The following AUTS2 variants were observed in gnomAD, a reference collection of about 807,000 sequenced individuals.
AUTS2 encodes autism susceptibility gene 2 protein.
A neutral mutation model predicts 112.4 loss-of-function variants in AUTS2; 17 were observed. That is an observed-to-expected ratio of 0.15 (90% CI 0.10 to 0.23). The LOEUF (loss-of-function observed/expected upper bound fraction) is 0.23. Ranked by LOEUF, AUTS2 falls within the 10% of genes least tolerant of loss-of-function variation. The pLI is 1.00. For missense variants in AUTS2, 1,510 were observed against 1,701.6 expected (o/e 0.89, Z 1.98); for synonymous variants, 751 against 702.7 (o/e 1.07, Z -1.09).
At chr7:69,834,285 C>T (rs1791626671) in intron 1 of AUTS2, among the ~76,000 whole-genome samples, 1 of 152,140 alleles carries the variant, frequency 6.6e-6, no homozygotes, top group African/African-American at 2.4e-5. Context: ...AATTATTTTA[C>T]AACGAAATTG....
At chr7:69,879,006 A>T (rs2129537223) in intron 1 of AUTS2, among the ~76,000 whole-genome samples, 1 of 152,246 alleles carries the variant, frequency 6.6e-6, no homozygotes, top group East Asian at 1.9e-4. Flanking sequence ...GTGCTTTGAG[A>T]TGCAGACTGG....
chr7:70,480,905 G>A, intron 5 of AUTS2, among the ~76,000 whole-genome samples: 1 of 152,184 alleles, frequency 6.6e-6, no homozygotes, highest in East Asian at 1.9e-4. Flanking sequence ...ACTCAGCTGG[G>A]GCAGGGAGTA....
At chr7:70,070,813 G>A (rs765205708) in intron 2 of AUTS2, among the ~76,000 whole-genome samples, 4 of 151,688 alleles carry the variant, frequency 2.6e-5, no homozygotes, top group African/African-American at 4.8e-5. Flanking sequence ...TGGAGGTTGC[G>A]GTGAGCCGCG....
intron 1 of AUTS2, among the ~76,000 whole-genome samples, chr7:69,885,077 G>A (rs1322506033): frequency 6.6e-6 from 1 of 152,212 alleles, no homozygotes; most frequent in Non-Finnish European, 1.5e-5. Flanking sequence ...AGTCATAGCT[G>A]TGTGAACAAG....
intron 5 of AUTS2, among the ~76,000 whole-genome samples, chr7:70,481,803 T>C (rs1165392264): frequency 1.3e-5 from 2 of 152,230 alleles, no homozygotes; most frequent in Non-Finnish European, 2.9e-5. Context: ...CTTGCCATTG[T>C]GGAGGCACGA....
chr7:69,631,978 CAA>C (rs1794265605), intron 1 of AUTS2, among the ~76,000 whole-genome samples: 1 of 152,080 alleles, frequency 6.6e-6, no homozygotes. Context: ...CAATGGGGAA[CAA>C]AAATTTTTCA....
chr7:70,073,097 C>CT (rs546032568), intron 2 of AUTS2, among the ~76,000 whole-genome samples: 1,761 of 135,450 alleles, frequency 0.013, 14 homozygotes, highest in Middle Eastern at 0.027. Context: ...TTCTCCTCTC[C>CT]TTTTTTTTTT....
At chr7:69,892,857 C>G (rs1794586884) in intron 1 of AUTS2, among the ~76,000 whole-genome samples, 1 of 152,194 alleles carries the variant, frequency 6.6e-6, no homozygotes, top group Admixed American at 6.5e-5. Flanking sequence ...ACTTATTTCT[C>G]TGTAGAATAG....
rs1036591912 is a variant in AUTS2 at position 70,621,687 on chromosome 7, G to A, written c.691-76882G>A. Among the ~76,000 whole-genome samples the A allele has an allele frequency of 2.6e-5, 4 of 152,196 alleles. No individual in the cohort carries two copies. The South Asian group carries it at 6.2e-4, about 24-fold the overall frequency. ...CAGCTCCACTTATTTTTAAACTGAT[G>A]ATCATGTCTGAATTAGATCAGAGCA... On this transcript the variant is annotated intron_variant, in intron 5 of 18. Coordinates refer to ENST00000342771, the MANE Select transcript of AUTS2 (RefSeq NM_015570.4).
chr7:70,144,502 C>T (rs1807022837), intron 4 of AUTS2, among the ~76,000 whole-genome samples: 1 of 152,016 alleles, frequency 6.6e-6, no homozygotes, highest in Non-Finnish European at 1.5e-5. Context: ...AAATGGAAGC[C>T]TTAAACTGCA....
At position 70,602,960 on chromosome 7, in the gene AUTS2, C is replaced by A. The variant is rs73706119; in HGVS notation, c.691-95609C>A. On this transcript the variant is annotated intron_variant, in intron 5 of 18. Coordinates refer to ENST00000342771, the MANE Select transcript of AUTS2 (RefSeq NM_015570.4). The stretch of plus-strand genomic sequence containing the variant: ...TGGTATGTGCTGAGAAAAAGCAGAT[C>A]CTCTGATAAAGCAAAGAACTGTGTT... Among the ~76,000 whole-genome samples the A allele has an allele frequency of 8.1e-3, 1,232 of 152,268 alleles. 17 individuals are homozygous for A. Among genetic ancestry groups the A allele is most frequent in the African/African-American group, 0.028 (1,161 of 41,546 alleles).
chr7:70,364,495 G>T (rs1470002417), intron 4 of AUTS2, among the ~76,000 whole-genome samples: 1 of 151,798 alleles, frequency 6.6e-6, no homozygotes, highest in Admixed American at 6.6e-5. Context: ...GAACCTGGGA[G>T]GCAGAGGTTG....
chr7:70,247,637 C>G (rs186991036), intron 4 of AUTS2, among the ~76,000 whole-genome samples: 4 of 152,186 alleles, frequency 2.6e-5, no homozygotes, highest in Admixed American at 2.6e-4. Flanking sequence ...GCCAAACTTA[C>G]CAGTTATAGT....
chr7:70,664,918 A>G (rs539319363), intron 5 of AUTS2, among the ~76,000 whole-genome samples: 1 of 152,232 alleles, frequency 6.6e-6, no homozygotes, highest in African/African-American at 2.4e-5. Context: ...CCAAAAATAT[A>G]AAAAATTAGC....
rs377351843 is a variant in AUTS2 at position 70,575,265 on chromosome 7, C to T, written c.691-123304C>T. On this transcript the variant is annotated intron_variant, in intron 5 of 18. Transcript: ENST00000342771. ...AAGCCAGCCTGTGCCAATGTCCACT[C>T]GTTTCTGTGCTTTACTGCCAGCCAC... Among the ~76,000 whole-genome samples the T allele has an allele frequency of 3.2e-4, 48 of 152,292 alleles. 1 individual carries two copies. The highest frequency in any genetic ancestry group is 2.7e-3 in the East Asian group (14 of 5,180).
chr7:69,730,832 C>T (rs1786761320), intron 1 of AUTS2, among the ~76,000 whole-genome samples: 1 of 152,180 alleles, frequency 6.6e-6, no homozygotes, highest in Admixed American at 6.5e-5. Flanking sequence ...ATGCTATTAC[C>T]TGCAGACATT....
chr7:70,787,480 G>T (rs1433631767), intron 18 of AUTS2, 49 bp downstream of exon 18: 6 of 1,375,804 alleles, frequency 4.4e-6, no homozygotes, highest in South Asian at 1.3e-5. Flanking sequence ...CCTGCTCTAT[G>T]CCAAGTACCA....
At chr7:70,052,312 G>A (rs1801792095) in intron 2 of AUTS2, among the ~76,000 whole-genome samples, 1 of 152,134 alleles carries the variant, frequency 6.6e-6, no homozygotes, top group Admixed American at 6.5e-5. Context: ...AGGGGTTACA[G>A]CTAACATTTC....
At chr7:70,560,418 A>G (rs1168012164) in intron 5 of AUTS2, among the ~76,000 whole-genome samples, 1 of 152,150 alleles carries the variant, frequency 6.6e-6, no homozygotes, top group Non-Finnish European at 1.5e-5. Context: ...ATGTGCCTCC[A>G]ATGGTCTTCC....
Sources: allele counts gnomAD v4.1 joint callset (sites outside exome capture counted in the v4.1 genomes callset), GRCh38; gene constraint gnomAD v4.1.1; transcripts MANE v1.5; gene names NCBI Gene and HGNC (gene_info 2026-07-23, HGNC 2026-07-21).